Variants in PTPRT observed in about 807,000 individuals in gnomAD.
PTPRT encodes the protein receptor-type tyrosine-protein phosphatase T.
In PTPRT, 56 loss-of-function variants were observed where a neutral mutation model predicts 176.8. The observed-to-expected ratio is 0.32, with a 90% CI of 0.26 to 0.40. PTPRT has a LOEUF of 0.40. Ranked by LOEUF, PTPRT falls within the 10% of genes least tolerant of loss-of-function variation. The probability of loss-of-function intolerance (pLI) is 1.00; values close to 1 mark genes in which losing one functional copy is unlikely to be tolerated. For missense variants in PTPRT, 1,540 were observed against 1,908.2 expected, an observed-to-expected ratio of 0.81 and a Z score of 3.60; for synonymous variants, 783 against 739.0, an observed-to-expected ratio of 1.06 and a Z score of -0.96.
chr20:42,921,452 G>A lies in PTPRT; in HGVS notation c.89-35520C>T, dbSNP rs144513895. Among the ~76,000 whole-genome samples, 587 of 152,222 alleles carry A rather than the reference G, an allele frequency of 3.9e-3. 2 individuals are homozygous for A. Among genetic ancestry groups the A allele is most frequent in the African/African-American group, 0.014 (571 of 41,522 alleles). On this transcript the variant is annotated intron_variant, in intron 1 of 30. Transcript: ENST00000373187. ...TGTTAAAAGTTAGCTGGGCACGATGGCATCCACCTGTAGTCCTAGCTACTC... is the reference window on the plus strand; with the variant it reads ...TGTTAAAAGTTAGCTGGGCACGATGACATCCACCTGTAGTCCTAGCTACTC...
At chr20:42,601,373 T>A (rs2073778918) in intron 7 of PTPRT, among the ~76,000 whole-genome samples, 1 of 152,224 alleles carries the variant, frequency 6.6e-6, no homozygotes, top group Non-Finnish European at 1.5e-5. Flanking sequence ...AAAAGCATTA[T>A]CTACAAATCG....
chr20:43,148,686 G>A (rs970521006), intron 1 of PTPRT, among the ~76,000 whole-genome samples: 3 of 152,180 alleles, frequency 2.0e-5, no homozygotes, highest in Non-Finnish European at 4.4e-5. Context: ...TATAGAGGGA[G>A]TAAAGAATAT....
intron 7 of PTPRT, among the ~76,000 whole-genome samples, chr20:42,510,396 T>G (rs1412187514): frequency 6.6e-6 from 1 of 152,024 alleles, no homozygotes; most frequent in Admixed American, 6.6e-5. Context: ...TTCCTGGAAC[T>G]TTGCTTGGGT....
At chr20:43,004,967 A>T (rs537840810) in intron 1 of PTPRT, among the ~76,000 whole-genome samples, 1 of 152,262 alleles carries the variant, frequency 6.6e-6, no homozygotes, top group South Asian at 2.1e-4. Context: ...GGATGTAAGC[A>T]TCACTCAAAG....
chr20:42,551,451 G>C (rs1369211531), intron 7 of PTPRT, among the ~76,000 whole-genome samples: 1 of 152,108 alleles, frequency 6.6e-6, no homozygotes, highest in African/African-American at 2.4e-5. Context: ...AAGCATAATT[G>C]ATGCTGCCTA....
At chr20:42,868,352 CAT>C (rs1356438170) in intron 2 of PTPRT, among the ~76,000 whole-genome samples, 2 of 152,188 alleles carry the variant, frequency 1.3e-5, no homozygotes, top group African/African-American at 2.4e-5. Flanking sequence ...GAGGAAAACT[CAT>C]AGTCTTCAAG....
At chr20:42,930,903 GATA>G (rs146663700) in intron 1 of PTPRT, among the ~76,000 whole-genome samples, 4,264 of 152,232 alleles carry the variant, frequency 0.028, 119 homozygotes, top group African/African-American at 0.075. Flanking sequence ...CTGAGCTTAT[GATA>G]ATAGTTGTAG....
chr20:42,870,859 T>C (rs1488349974), intron 2 of PTPRT, among the ~76,000 whole-genome samples: 1 of 152,230 alleles, frequency 6.6e-6, no homozygotes, highest in Non-Finnish European at 1.5e-5. Flanking sequence ...TTTGTCTTTT[T>C]ATAGTGGCCA....
chr20:42,742,491 G>T (rs1366277076), intron 6 of PTPRT, among the ~76,000 whole-genome samples: 1 of 152,272 alleles, frequency 6.6e-6, no homozygotes, highest in African/African-American at 2.4e-5. Context: ...CCCAGGCTCC[G>T]ATCTGGAGCT....
At chr20:42,747,112 G>A (rs1240653295) in intron 6 of PTPRT, among the ~76,000 whole-genome samples, 4 of 151,938 alleles carry the variant, frequency 2.6e-5, no homozygotes, top group Admixed American at 2.6e-4. Context: ...CCCATAAGAA[G>A]GAAGAAAAGA....
chr20:43,023,229 C>A (rs542064982), intron 1 of PTPRT, among the ~76,000 whole-genome samples: 3 of 152,262 alleles, frequency 2.0e-5, no homozygotes, highest in African/African-American at 7.2e-5. Context: ...AGCCCACTCC[C>A]CAAACAAGGT....
chr20:42,808,517 G>A (rs1054089432), intron 2 of PTPRT, among the ~76,000 whole-genome samples: 3 of 152,140 alleles, frequency 2.0e-5, no homozygotes, highest in African/African-American at 7.2e-5. Context: ...GGATGTGGAG[G>A]CCCAGGAAGA....
At chr20:42,432,230 C>G (rs6016792) in intron 9 of PTPRT, among the ~76,000 whole-genome samples, 125,887 of 152,156 alleles carry the variant, frequency 0.83, 52,207 homozygotes, top group Admixed American at 0.86. Flanking sequence ...TGGCACCAGT[C>G]TGCCTAACAT....
chr20:42,777,614 T>C (rs1257508278), intron 4 of PTPRT, among the ~76,000 whole-genome samples: 2 of 152,190 alleles, frequency 1.3e-5, no homozygotes, highest in African/African-American at 2.4e-5. Context: ...TCAAACACCA[T>C]GAGTACAAGG....
chr20:42,506,747 G>A (rs2071852179), intron 7 of PTPRT, among the ~76,000 whole-genome samples: 1 of 152,150 alleles, frequency 6.6e-6, no homozygotes, highest in East Asian at 1.9e-4. Flanking sequence ...GAGATTAGGT[G>A]ATTTTTGTGT....
At chr20:42,689,913 C>A (rs6102987) in intron 6 of PTPRT, among the ~76,000 whole-genome samples, 9 of 152,150 alleles carry the variant, frequency 5.9e-5, no homozygotes, top group Admixed American at 5.2e-4. Flanking sequence ...ACCTCCAATG[C>A]TATAAGATCA....
intron 2 of PTPRT, among the ~76,000 whole-genome samples, chr20:42,855,364 A>T (rs1231155221): frequency 6.6e-6 from 1 of 151,484 alleles, no homozygotes; most frequent in Non-Finnish European, 1.5e-5. Context: ...AACTGCCCCA[A>T]CCTCATGCTA....
chr20:42,270,738 A>G (rs889336897), intron 13 of PTPRT, among the ~76,000 whole-genome samples: 1 of 152,178 alleles, frequency 6.6e-6, no homozygotes, highest in Non-Finnish European at 1.5e-5. Context: ...AATAACCCAG[A>G]AAGGTCAGTA....
At chr20:42,880,076 A>T (rs1329821335) in intron 2 of PTPRT, among the ~76,000 whole-genome samples, 1 of 152,126 alleles carries the variant, frequency 6.6e-6, no homozygotes, top group Non-Finnish European at 1.5e-5. Flanking sequence ...TGCTGGTGCC[A>T]CACTCCTCCG....
Sources: allele counts gnomAD v4.1 joint callset (sites outside exome capture counted in the v4.1 genomes callset), GRCh38; gene constraint gnomAD v4.1.1; transcripts MANE v1.5; gene names NCBI Gene and HGNC (gene_info 2026-07-23, HGNC 2026-07-21).